Variants in SNX24 observed in about 807,000 individuals in gnomAD.
SNX24 encodes sorting nexin-24.
Under a neutral mutation model 28.7 loss-of-function variants are expected in SNX24, and 22 were observed. That is an observed-to-expected ratio of 0.77 (90% CI 0.55 to 1.10). The LOEUF (loss-of-function observed/expected upper bound fraction) is 1.10, where lower values mean the gene tolerates loss of function less well. Among genes scored for constraint, SNX24 ranks in the 50% least tolerant of loss-of-function variants. SNX24 has a pLI of 0.00. For missense variants in SNX24, 221 were observed against 201.1 expected, an observed-to-expected ratio of 1.10 and a Z score of -0.60; for synonymous variants, 69 against 71.5, an observed-to-expected ratio of 0.96 and a Z score of 0.18.
intron 1 of SNX24, among the ~76,000 whole-genome samples, chr5:122,846,139 C>T (rs1754622858): frequency 6.6e-6 from 1 of 151,916 alleles, no homozygotes; most frequent in Non-Finnish European, 1.5e-5. Context: ...TAATTTGCAG[C>T]TGTTTATTAG....
At chr5:123,026,520 A>T (rs1241942376) in intron 5 of SNX24, among the ~76,000 whole-genome samples, 1 of 152,262 alleles carries the variant, frequency 6.6e-6, no homozygotes, top group Non-Finnish European at 1.5e-5. Context: ...AACAGAGGTT[A>T]CAAAACTTGA....
At chr5:122,847,799 A>C (rs763681668) in intron 1 of SNX24, among the ~76,000 whole-genome samples, 1 of 151,938 alleles carries the variant, frequency 6.6e-6, no homozygotes, top group African/African-American at 2.4e-5. Flanking sequence ...CAGCCCTAAA[A>C]TACCTTCTGA....
chr5:122,958,438 G>A (rs1760314769), intron 3 of SNX24, among the ~76,000 whole-genome samples: 1 of 152,040 alleles, frequency 6.6e-6, no homozygotes, highest in Non-Finnish European at 1.5e-5. Flanking sequence ...ATTTTTAGTA[G>A]AGACGGGGTT....
At chr5:122,929,814 GT>G (rs1264454862) in intron 1 of SNX24, among the ~76,000 whole-genome samples, 2 of 150,286 alleles carry the variant, frequency 1.3e-5, no homozygotes, top group Non-Finnish European at 3.0e-5. Flanking sequence ...TACATTTTAG[GT>G]TTTTTTTCTC....
intron 1 of SNX24, among the ~76,000 whole-genome samples, chr5:122,897,787 A>G (rs1425501615): frequency 6.6e-6 from 1 of 152,142 alleles, no homozygotes; most frequent in African/African-American, 2.4e-5. Flanking sequence ...CCTATCTTGT[A>G]TAATCCTACA....
rs573739596 is a variant in SNX24 at position 122,910,630 on chromosome 5, C to G, written c.61-26104C>G. Among the ~76,000 whole-genome samples, 4 of 121,920 alleles carry G rather than the reference C, an allele frequency of 3.3e-5. No individual in the cohort carries two copies. In the South Asian group the frequency reaches 1.3e-3, roughly 41 times the overall value. The allele number at this position is 121,920 out of a possible 152,430, so 80.0% of individuals were successfully genotyped here. On this transcript the variant is annotated intron_variant, in intron 1 of 6. Transcript: ENST00000261369. ...CTATCCCTCCCCCCTCCCCCCACCCCACAACAGTCCCCAGAGTGTGATGTT... is the reference window on the plus strand; with the variant it reads ...CTATCCCTCCCCCCTCCCCCCACCCGACAACAGTCCCCAGAGTGTGATGTT...
At chr5:122,896,361 C>T (rs1363012532) in intron 1 of SNX24, among the ~76,000 whole-genome samples, 2 of 152,140 alleles carry the variant, frequency 1.3e-5, no homozygotes, top group Non-Finnish European at 2.9e-5. Flanking sequence ...TGCATATCCT[C>T]TTCTTAAGGT....
chr5:122,991,838 A>T (rs1054030250), intron 3 of SNX24, among the ~76,000 whole-genome samples: 7 of 152,198 alleles, frequency 4.6e-5, no homozygotes, highest in Admixed American at 1.3e-4. Flanking sequence ...GAAAGTCTTT[A>T]TATATTTGTA....
chr5:122,912,353 G>C (rs1757927990), intron 1 of SNX24, among the ~76,000 whole-genome samples: 1 of 151,208 alleles, frequency 6.6e-6, no homozygotes, highest in Non-Finnish European at 1.5e-5. Flanking sequence ...TTGCTTATGA[G>C]CTTAAGGAGA....
intron 3 of SNX24, among the ~76,000 whole-genome samples, chr5:122,985,911 C>T (rs755436567): frequency 3.4e-4 from 52 of 152,216 alleles, no homozygotes; most frequent in Non-Finnish European, 7.2e-4. Context: ...CAGCCCTGCC[C>T]TCTTGGAGCT....
chr5:123,017,303 A>G (rs762191945), intron 5 of SNX24, among the ~76,000 whole-genome samples: 7 of 151,914 alleles, frequency 4.6e-5, no homozygotes, highest in Non-Finnish European at 1.0e-4. Context: ...CTTAGGTCAA[A>G]TCTCACCTGC....
chr5:122,993,759 C>T (rs952285708), intron 3 of SNX24, among the ~76,000 whole-genome samples: 1 of 152,094 alleles, frequency 6.6e-6, no homozygotes, highest in Admixed American at 6.6e-5. Context: ...ACACTGCAGC[C>T]CATTTACTGC....
chr5:122,856,594 C>A (rs992807899), intron 1 of SNX24, among the ~76,000 whole-genome samples: 1 of 149,502 alleles, frequency 6.7e-6, no homozygotes, highest in East Asian at 2.0e-4. Flanking sequence ...CCGCTTACTG[C>A]AACCTCTGCC....
rs557120756 is a variant in SNX24, at chr5:122,855,330, A to G, written c.60+9637A>G. On this transcript the variant is annotated intron_variant, in intron 1 of 6. Coordinates refer to ENST00000261369, the MANE Select transcript of SNX24 (RefSeq NM_014035.4). ...TGATCTGCTCGCCTCAGCCTCCCAA[A>G]GTGCTGGGATTACAGGCATGAGCCA... Among the ~76,000 whole-genome samples the G allele has an allele frequency of 2.1e-4, 32 of 152,272 alleles. No homozygotes were observed. In the South Asian group the frequency reaches 6.2e-3, roughly 30 times the overall value.
chr5:122,883,847 G>A (rs1266114846), intron 1 of SNX24, among the ~76,000 whole-genome samples: 2 of 151,968 alleles, frequency 1.3e-5, no homozygotes, highest in East Asian at 1.9e-4. Flanking sequence ...GTGGAGATGG[G>A]TTCTCAATCT....
At chr5:122,922,983 C>A (rs1366064699) in intron 1 of SNX24, among the ~76,000 whole-genome samples, 1 of 152,100 alleles carries the variant, frequency 6.6e-6, no homozygotes, top group African/African-American at 2.4e-5. Flanking sequence ...TTAAACCATG[C>A]ATATCCTGGG....
intron 1 of SNX24, among the ~76,000 whole-genome samples, chr5:122,914,027 G>T (rs550486104): frequency 4.5e-4 from 68 of 152,262 alleles, no homozygotes; most frequent in African/African-American, 1.6e-3. Context: ...GGAGAATCAG[G>T]CAGGGAGGTT....
intron 1 of SNX24, among the ~76,000 whole-genome samples, chr5:122,863,744 G>A (rs1264723873): frequency 1.3e-5 from 2 of 152,092 alleles, no homozygotes; most frequent in East Asian, 1.9e-4. Flanking sequence ...TTGTAGAGGT[G>A]GGGTCTCACT....
chr5:122,967,162 T>C (rs1354564899), intron 3 of SNX24, among the ~76,000 whole-genome samples: 1 of 152,152 alleles, frequency 6.6e-6, no homozygotes, highest in Non-Finnish European at 1.5e-5. Context: ...ATTCATAAAA[T>C]AAACGTCTTT....
Sources: gnomAD v4.1 joint callset for allele counts (sites outside exome capture counted in the v4.1 genomes callset) on GRCh38, gnomAD v4.1.1 for gene constraint, MANE v1.5 for transcripts, NCBI Gene and HGNC (gene_info 2026-07-23, HGNC 2026-07-21) for gene names.